PUDP: variants seen among roughly 807,000 people sequenced by gnomAD.
The protein encoded by PUDP is pseudouridine-5'-phosphatase.
In PUDP, 8 loss-of-function variants were observed where a neutral mutation model predicts 9.4. That is an observed-to-expected ratio of 0.85 (90% CI 0.50 to 1.53). The LOEUF is 1.53. Ranked by LOEUF, PUDP falls within the 40% of genes most tolerant of loss-of-function variation. The pLI is 0.00. For synonymous variants in PUDP, 99 were observed against 80.7 expected (o/e 1.23, Z -1.22); for missense variants, 188 against 189.7 (o/e 0.99, Z 0.05).
chrX:6,873,418 A>G (rs965742877), intron 3 of PUDP, among the ~76,000 whole-genome samples: 4 of 112,189 alleles, frequency 3.6e-5, no homozygotes, highest in Non-Finnish European at 7.5e-5. Flanking sequence ...AAATGGTAAC[A>G]TGCTCCTGGT....
chrX:6,788,840 C>T (rs1162041769), intron 3 of PUDP, among the ~76,000 whole-genome samples: 1 of 112,418 alleles, frequency 8.9e-6, no homozygotes, highest in South Asian at 3.7e-4. Context: ...AATAAATCCA[C>T]AAAACGAAAT....
intron 3 of PUDP, among the ~76,000 whole-genome samples, chrX:6,929,521 T>C (rs1928157508): frequency 8.9e-6 from 1 of 112,282 alleles, no homozygotes; most frequent in African/African-American, 3.2e-5. Flanking sequence ...TGACAAGGGG[T>C]TGTGGAGACC....
At chrX:6,793,465 C>T (rs765355925) in intron 3 of PUDP, among the ~76,000 whole-genome samples, 1 of 111,947 alleles carries the variant, frequency 8.9e-6, no homozygotes, top group East Asian at 2.8e-4. Context: ...TAAGTTCCAA[C>T]ATTAATCTTG....
chrX:6,932,908 G>A (rs1163055113), intron 3 of PUDP, among the ~76,000 whole-genome samples: 2 of 110,461 alleles, frequency 1.8e-5, no homozygotes, highest in Non-Finnish European at 3.8e-5. Context: ...GCGGCAACGA[G>A]GCTGGGGGAG....
At chrX:6,946,980 T>G (rs1329100539) in intron 3 of PUDP, among the ~76,000 whole-genome samples, 1 of 96,631 alleles carries the variant, frequency 1.0e-5, no homozygotes, top group African/African-American at 3.8e-5. Flanking sequence ...TGTTTTTTTT[T>G]GTTTGTTTTT....
intron 3 of PUDP, among the ~76,000 whole-genome samples, chrX:6,915,321 T>C (rs757177583): frequency 6.2e-5 from 7 of 112,297 alleles, no homozygotes; most frequent in Non-Finnish European, 1.3e-4. Flanking sequence ...AAAAAGTGTA[T>C]GGATTTCTCC....
At chrX:7,020,026 G>A (rs1338038403) in intron 1 of PUDP, among the ~76,000 whole-genome samples, 1 of 110,274 alleles carries the variant, frequency 9.1e-6, no homozygotes, top group Non-Finnish European at 1.9e-5. Flanking sequence ...AAGAATGAGA[G>A]AGAGAGAGAG....
chrX:7,071,777 AT>A (rs10634327), intron 3 of PUDP, among the ~76,000 whole-genome samples: 22 of 96,718 alleles, frequency 2.3e-4, no homozygotes, highest in Admixed American at 4.7e-4. Context: ...TGTACTCTCT[AT>A]TTTTTTTTTT....
intron 1 of PUDP, among the ~76,000 whole-genome samples, chrX:7,040,301 G>A (rs201997045): frequency 2.7e-5 from 3 of 111,379 alleles, no homozygotes; most frequent in East Asian, 2.8e-4. Context: ...GTGCCTACCC[G>A]GAGCTGGGGG....
intron 1 of PUDP, among the ~76,000 whole-genome samples, chrX:7,107,947 C>T (rs1326387582): frequency 1.8e-5 from 2 of 112,516 alleles, no homozygotes; most frequent in Non-Finnish European, 3.8e-5. Context: ...TGGAGGAGGC[C>T]GGGAAGGTCT....
intron 3 of PUDP, among the ~76,000 whole-genome samples, chrX:6,947,237 A>G (rs1477155597): frequency 9.1e-6 from 1 of 110,358 alleles, no homozygotes; most frequent in Non-Finnish European, 1.9e-5. Flanking sequence ...CCTGACCTCA[A>G]GTGGAACTCA....
chrX:6,838,963 G>A (rs1027930228), intron 3 of PUDP, among the ~76,000 whole-genome samples: 4 of 111,946 alleles, frequency 3.6e-5, no homozygotes, highest in African/African-American at 1.3e-4. Context: ...AAATAGCACA[G>A]ACTCCCTTTC....
At chrX:7,002,037 G>A (rs1929331988) in intron 1 of PUDP, among the ~76,000 whole-genome samples, 1 of 111,678 alleles carries the variant, frequency 9.0e-6, no homozygotes, top group Admixed American at 9.5e-5. Context: ...ATAAATAAAA[G>A]ATGATATTTG....
chrX:7,082,608 C>T (rs1931134305), intron 2 of PUDP, among the ~76,000 whole-genome samples: 1 of 112,408 alleles, frequency 8.9e-6, no homozygotes, highest in Admixed American at 9.3e-5. Context: ...ACAGCCCGTG[C>T]CACTGGGGCA....
At chrX:7,142,684 G>A (rs1282049654) in intron 1 of PUDP, among the ~76,000 whole-genome samples, 3 of 88,880 alleles carry the variant, frequency 3.4e-5, no homozygotes, top group Admixed American at 1.5e-4. Context: ...TTACTCTGTC[G>A]TCCAGGCTGG....
chrX:6,745,621 G>A (rs932187534), intron 3 of PUDP, among the ~76,000 whole-genome samples: 2 of 111,321 alleles, frequency 1.8e-5, no homozygotes, highest in African/African-American at 6.5e-5. Context: ...TATCCTGGAT[G>A]TCACATGCTG....
chrX:6,876,395 T>C (rs767782738), intron 3 of PUDP, among the ~76,000 whole-genome samples: 1 of 111,365 alleles, frequency 9.0e-6, no homozygotes, highest in East Asian at 2.8e-4. Context: ...CCATCATAAG[T>C]TGAGGAATAT....
At chrX:6,941,417 T>C (rs1226301338) in intron 3 of PUDP, among the ~76,000 whole-genome samples, 3 of 95,907 alleles carry the variant, frequency 3.1e-5, no homozygotes, top group African/African-American at 7.9e-5. Flanking sequence ...TATAGCTCAC[T>C]GCAGCCTCTA....
intron 1 of PUDP, among the ~76,000 whole-genome samples, chrX:7,135,905 CATA>C (rs1312655702): frequency 9.0e-6 from 1 of 111,237 alleles, no homozygotes; most frequent in East Asian, 2.8e-4. Flanking sequence ...CCTACACAGC[CATA>C]ATACCACTGC....
Sources: allele counts gnomAD v4.1 joint callset (sites outside exome capture counted in the v4.1 genomes callset), GRCh38; gene constraint gnomAD v4.1.1; transcripts MANE v1.5; gene names NCBI Gene and HGNC (gene_info 2026-07-23, HGNC 2026-07-21).